CD163L1: variants seen among roughly 807,000 people sequenced by gnomAD.
CD163L1 encodes CD163 molecule like 1.
A neutral mutation model predicts 165.4 loss-of-function variants in CD163L1; 124 were observed. That is an observed-to-expected ratio of 0.75 (90% CI 0.65 to 0.87). The LOEUF (loss-of-function observed/expected upper bound fraction) is 0.87. Among genes scored for constraint, CD163L1 ranks in the 40% least tolerant of loss-of-function variants. The pLI is 0.00. For missense variants in CD163L1, 1,525 were observed against 1,799.9 expected, an observed-to-expected ratio of 0.85 and a Z score of 2.76; for synonymous variants, 585 against 662.2, an observed-to-expected ratio of 0.88 and a Z score of 1.79.
At chr12:7,413,379 T>C (rs1948175762) in intron 4 of CD163L1, among the ~76,000 whole-genome samples, 1 of 152,114 alleles carries the variant, frequency 6.6e-6, no homozygotes, top group African/African-American at 2.4e-5. Context: ...CACAGCGGAA[T>C]AATCTGGGGA....
the CD163L1 span, among the ~76,000 whole-genome samples, chr12:7,337,895 G>C: frequency 3.9e-5 from 6 of 152,094 alleles, no homozygotes; most frequent in Admixed American, 3.3e-4. Context: ...CTATACAATA[G>C]CAAAGACTTG....
intron 6 of CD163L1, among the ~76,000 whole-genome samples, chr12:7,399,873 T>G (rs1251612924): frequency 6.6e-6 from 1 of 152,152 alleles, no homozygotes; most frequent in Non-Finnish European, 1.5e-5. Context: ...GTTACAGGCG[T>G]CAGCCACCGT....
the CD163L1 span, among the ~76,000 whole-genome samples, chr12:7,329,506 T>A: frequency 6.6e-6 from 1 of 151,970 alleles, no homozygotes; most frequent in Non-Finnish European, 1.5e-5. Flanking sequence ...TTGAAAACCA[T>A]TTTTAACCTT....
chr12:7,344,387 T>C (rs1030366222), downstream of CD163L1, among the ~76,000 whole-genome samples: 2 of 152,178 alleles, frequency 1.3e-5, no homozygotes, highest in African/African-American at 2.4e-5. Flanking sequence ...CATACCTAGC[T>C]CAGTCATTAA....
chr12:7,439,038 C>T, intron 2 of CD163L1: 1 of 1,604,194 alleles, frequency 6.2e-7, no homozygotes, highest in Non-Finnish European at 8.5e-7. Flanking sequence ...TCCTCCTCAG[C>T]ACTCATGGCA....
intron 9 of CD163L1, among the ~76,000 whole-genome samples, chr12:7,377,207 T>A (rs1199087446): frequency 4.6e-5 from 7 of 152,228 alleles, no homozygotes. Flanking sequence ...TATATGCATA[T>A]AACTGACTCT....
chr12:7,393,679 T>TC (rs1947710935), intron 8 of CD163L1, among the ~76,000 whole-genome samples: 1 of 152,182 alleles, frequency 6.6e-6, no homozygotes, highest in Admixed American at 6.5e-5. Context: ...AACCCCATTG[T>TC]CTCAGCCCAA....
intron 14 of CD163L1, among the ~76,000 whole-genome samples, chr12:7,371,393 A>C (rs1947143160): frequency 6.6e-6 from 1 of 152,186 alleles, no homozygotes; most frequent in African/African-American, 2.4e-5. Context: ...ATTTTATTCC[A>C]TATACTATTA....
the CD163L1 span, among the ~76,000 whole-genome samples, chr12:7,320,008 A>G: frequency 1.3e-5 from 2 of 152,356 alleles, no homozygotes; most frequent in South Asian, 4.1e-4. Flanking sequence ...TTACCGATCA[A>G]ACATCATACT....
chr12:7,407,553 G>A (rs999452978), intron 4 of CD163L1, among the ~76,000 whole-genome samples: 1 of 150,580 alleles, frequency 6.6e-6, no homozygotes, highest in Non-Finnish European at 1.5e-5. Flanking sequence ...TAGCAAAATT[G>A]ACCACTACGT....
chr12:7,438,709 C>T lies in CD163L1; in HGVS notation c.124+2445G>A, dbSNP rs1028812548. On this transcript the variant is annotated intron_variant, in intron 2 of 19. Coordinates refer to ENST00000313599, the MANE Select transcript of CD163L1 (RefSeq NM_174941.6). ...ACACTTTCTCATAGCTTGACTGTTT[C>T]CCTTTCCTTGCTTGTGAAATGTCTT... 5 of 834,732 alleles carry T rather than the reference C, an allele frequency of 6.0e-6. No individual in the cohort carries two copies. The African/African-American group carries it at 8.6e-5, about 14-fold the overall frequency. The allele number at this position is 834,732 out of a possible 1,614,324, so 51.7% of individuals were successfully genotyped here.
At chr12:7,339,857 G>T in the CD163L1 span, among the ~76,000 whole-genome samples, 10 of 152,282 alleles carry the variant, frequency 6.6e-5, no homozygotes, top group Non-Finnish European at 1.3e-4. Flanking sequence ...AAGGTGGCTT[G>T]TCTCCAGGAA....
chr12:7,369,708 G>A lies in CD163L1; in HGVS notation c.3731-43C>T. On this transcript the variant is annotated intron_variant, in intron 14 of 19. Transcript: ENST00000313599. The surrounding 1 kb of genome is among the most constrained non-coding windows in gnomAD (Gnocchi z 4.9). ...ATGGCTGTCTTTACTCCTGAAGGAGGTTGTGGGAGAATGCTGAGGTAGAAA... is the reference window on the plus strand; with the variant it reads ...ATGGCTGTCTTTACTCCTGAAGGAGATTGTGGGAGAATGCTGAGGTAGAAA... The A allele has an allele frequency of 6.4e-7, 1 of 1,562,616 alleles. No homozygotes were observed. The highest frequency in any genetic ancestry group is 2.3e-5 in the East Asian group (1 of 44,234).
At chr12:7,430,902 C>G (rs1219145221) in intron 4 of CD163L1, among the ~76,000 whole-genome samples, 1 of 151,856 alleles carries the variant, frequency 6.6e-6, no homozygotes, top group African/African-American at 2.4e-5. Context: ...GAGAGAGTAG[C>G]AACATCTCGT....
intron 4 of CD163L1, among the ~76,000 whole-genome samples, chr12:7,424,825 G>T (rs1216371336): frequency 6.6e-6 from 1 of 152,112 alleles, no homozygotes; most frequent in Non-Finnish European, 1.5e-5. Flanking sequence ...GCTGCTCAAA[G>T]AAATCAGACA....
chr12:7,323,611 T>C, the CD163L1 span: 5 of 1,504,820 alleles, frequency 3.3e-6, no homozygotes, highest in Non-Finnish European at 4.6e-6. Context: ...TGGGTTCAAA[T>C]TTCATTTCCA....
chr12:7,410,400 G>A (rs1948111794), intron 4 of CD163L1, among the ~76,000 whole-genome samples: 1 of 152,152 alleles, frequency 6.6e-6, no homozygotes, highest in Non-Finnish European at 1.5e-5. Context: ...GAGGTCAGGA[G>A]TTCGAGACCA....
intron 8 of CD163L1, among the ~76,000 whole-genome samples, chr12:7,386,371 C>T (rs1947515878): frequency 6.6e-6 from 1 of 151,954 alleles, no homozygotes; most frequent in African/African-American, 2.4e-5. Flanking sequence ...GGCTTTACTG[C>T]TGACTTCTAT....
chr12:7,325,562 G>C, the CD163L1 span, among the ~76,000 whole-genome samples: 5 of 152,146 alleles, frequency 3.3e-5, no homozygotes, highest in Admixed American at 3.3e-4. Flanking sequence ...CAGGAGAACT[G>C]CTTGAACCTG....
Sources: allele counts gnomAD v4.1 joint callset (sites outside exome capture counted in the v4.1 genomes callset), GRCh38; gene constraint gnomAD v4.1.1; non-coding constraint Gnocchi (gnomAD v3.1); transcripts MANE v1.5; gene names NCBI Gene and HGNC (gene_info 2026-07-23, HGNC 2026-07-21).